Variants in ZNF254 observed in about 807,000 individuals in gnomAD.
ZNF254 encodes CTD-2017D11.1.
ZNF254 carries 10 observed loss-of-function variants against 12.4 expected under a neutral mutation model. The ratio of observed to expected loss-of-function variants is 0.80; its 90% confidence interval spans 0.50 to 1.36. ZNF254 has a LOEUF of 1.36. ZNF254 is among the 40% of genes most tolerant of loss of function. The probability of loss-of-function intolerance (pLI) is 0.00; values close to 1 mark genes in which losing one functional copy is unlikely to be tolerated. For synonymous variants in ZNF254, 305 were observed against 253.4 expected, an observed-to-expected ratio of 1.20 and a Z score of -1.93; for missense variants, 996 against 763.9, an observed-to-expected ratio of 1.30 and a Z score of -3.58.
At chr19:24,119,485 C>G (rs1287504726) in intron 3 of ZNF254, among the ~76,000 whole-genome samples, 1 of 152,028 alleles carries the variant, frequency 6.6e-6, no homozygotes, top group Non-Finnish European at 1.5e-5. Flanking sequence ...AGCCACCATT[C>G]CTGGCCTTAT....
At chr19:24,065,431 A>T (rs1456487178) in intron 2 of ZNF254, 1 of 152,128 alleles carries the variant, frequency 6.6e-6, no homozygotes, top group African/African-American at 2.4e-5. Context: ...CACACAGTTG[A>T]TGTGACTCTT....
chr19:24,068,200 C>T (rs1270637827), intron 2 of ZNF254, among the ~76,000 whole-genome samples: 1 of 151,964 alleles, frequency 6.6e-6, no homozygotes, highest in Non-Finnish European at 1.5e-5. Flanking sequence ...GATCAGCCAC[C>T]AGGTATGTGT....
chr19:24,125,536 TTATAA>T (rs1974777498), intron 3 of ZNF254, among the ~76,000 whole-genome samples: 1 of 152,166 alleles, frequency 6.6e-6, no homozygotes, highest in African/African-American at 2.4e-5. Flanking sequence ...TGTCAAAATC[TTATAA>T]TGTAGCTTTG....
chr19:24,062,836 T>C (rs890709141), intron 2 of ZNF254, among the ~76,000 whole-genome samples: 1 of 152,204 alleles, frequency 6.6e-6, no homozygotes, highest in African/African-American at 2.4e-5. Flanking sequence ...GTTTTGCTCT[T>C]GTTACCGAGG....
intron 3 of ZNF254, among the ~76,000 whole-genome samples, chr19:24,109,602 G>C (rs974478022): frequency 6.6e-6 from 1 of 152,072 alleles, no homozygotes; most frequent in Non-Finnish European, 1.5e-5. Flanking sequence ...GTCATAGTCA[G>C]ATTATCTATA....
At chr19:24,038,765 A>G (rs528768863) in intron 1 of ZNF254, among the ~76,000 whole-genome samples, 1 of 152,184 alleles carries the variant, frequency 6.6e-6, no homozygotes, top group Non-Finnish European at 1.5e-5. Context: ...GGGATCTGCA[A>G]TCATTAATAG....
At chr19:24,113,331 C>A (rs374285730) in intron 3 of ZNF254, among the ~76,000 whole-genome samples, 1 of 152,162 alleles carries the variant, frequency 6.6e-6, no homozygotes, top group African/African-American at 2.4e-5. Flanking sequence ...AGCTTATCCA[C>A]CATGATCAAG....
At chr19:24,097,407 T>C (rs113689012) in intron 1 of ZNF254, among the ~76,000 whole-genome samples, 22,590 of 151,712 alleles carry the variant, frequency 0.15, 1,733 homozygotes, top group Middle Eastern at 0.17. Flanking sequence ...TAAAAGATAC[T>C]GAGTAAGTTG....
At chr19:24,042,418 A>G (rs1289232887) in intron 1 of ZNF254, among the ~76,000 whole-genome samples, 1 of 152,188 alleles carries the variant, frequency 6.6e-6, no homozygotes, top group Non-Finnish European at 1.5e-5. Context: ...ACACTGTGGA[A>G]ACTTTGTTCT....
Position 24,127,019 on chromosome 19 carries a change from A to G in ZNF254, c.1019A>G (p.His340Arg). 2 of 1,613,890 alleles carry G rather than the reference A, an allele frequency of 1.2e-6. No homozygotes were observed. The highest frequency in any genetic ancestry group is 1.7e-6 in the Non-Finnish European group (2 of 1,179,860). Residue 340 changes from histidine to arginine, a missense_variant, in exon 4 of 4, where the codon CAT becomes CGT. His to Arg is a conservative substitution (Grantham distance 29, BLOSUM62 0). Transcript: ENST00000357002. ...ATATGGTCCTCAACACTAACTAGAC[A>G]TAAGAGGATGCACACTGGAGAGAAA... ...AFIWSSTLTR[H>R]KRMHTGEKPY...
At position 24,114,761 on chromosome 19, in the gene ZNF254, AT is replaced by A. The variant is rs1158399331; in HGVS notation, c.253+8122del. 2.0e-5 allele frequency among the ~76,000 whole-genome samples: 3 copies of A among 148,644 alleles called. No individual in the cohort carries two copies. In the East Asian group the frequency reaches 5.9e-4, roughly 29 times the overall value. On this transcript the variant is annotated intron_variant, in intron 3 of 3. Coordinates refer to ENST00000357002, the MANE Select transcript of ZNF254 (RefSeq NM_203282.4). ...CAGGCAACCTACAAAATGGGAGAAA[AT>A]TTTCGCAACCTACTCATCTGACAAA...
At chr19:24,098,459 C>A (rs1217166235) in intron 1 of ZNF254, 6 of 152,078 alleles carry the variant, frequency 3.9e-5, no homozygotes, top group Non-Finnish European at 1.5e-5. Flanking sequence ...AAATATATTT[C>A]AATATAGATT....
chr19:24,121,111 A>G (rs561489653), intron 3 of ZNF254, among the ~76,000 whole-genome samples: 1 of 151,024 alleles, frequency 6.6e-6, no homozygotes, highest in African/African-American at 2.4e-5. Context: ...GGAGATTTTT[A>G]GTTTTCATCC....
At chr19:24,047,260 G>A (rs558622629) in intron 2 of ZNF254, among the ~76,000 whole-genome samples, 29 of 145,724 alleles carry the variant, frequency 2.0e-4, no homozygotes, top group African/African-American at 6.9e-4. Context: ...TTTTTGTTTT[G>A]TATTTCTCTC....
chr19:24,127,172 C>G lies in ZNF254; in HGVS notation c.1172C>G (p.Ser391Ter), dbSNP rs1263829169. Residue 391 changes from serine to a stop codon, truncating the protein, a stop_gained, in exon 4 of 4, where the codon TCA (serine) becomes TGA (stop). Coordinates refer to ENST00000357002, the MANE Select transcript of ZNF254 (RefSeq NM_203282.4). LOFTEE classifies it low-confidence loss of function (END_TRUNC). The part of the protein sequence containing the change: ...LECGKAFKQL[S>*]TLTTHKIIHV... The stretch of plus-strand genomic sequence containing the variant: ...TGTGGCAAAGCTTTTAAGCAACTCT[C>G]AACTCTTACTACACATAAAATAATT... 20 of 1,613,524 alleles carry G rather than the reference C, an allele frequency of 1.2e-5. No individual in the cohort carries two copies. The highest frequency in any genetic ancestry group is 1.7e-5 in the Non-Finnish European group (20 of 1,179,794).
chr19:24,089,114 T>G (rs993512964), intron 1 of ZNF254, among the ~76,000 whole-genome samples: 2 of 151,884 alleles, frequency 1.3e-5, no homozygotes, highest in Non-Finnish European at 2.9e-5. Context: ...GTAACTGGGA[T>G]TATAGGCATG....
intron 2 of ZNF254, among the ~76,000 whole-genome samples, chr19:24,068,592 C>T (rs115114924): frequency 9.2e-4 from 140 of 152,262 alleles, no homozygotes; most frequent in African/African-American, 3.2e-3. Context: ...TGAGCCACTG[C>T]ACCCAGTCTA....
chr19:24,121,568 T>C (rs1351712787), intron 3 of ZNF254, among the ~76,000 whole-genome samples: 1 of 152,208 alleles, frequency 6.6e-6, no homozygotes, highest in Non-Finnish European at 1.5e-5. Flanking sequence ...TTTTAAATTT[T>C]TTTTTTGAGA....
At chr19:24,078,077 C>T (rs2072941472) in intron 2 of ZNF254, among the ~76,000 whole-genome samples, 1 of 152,210 alleles carries the variant, frequency 6.6e-6, no homozygotes, top group African/African-American at 2.4e-5. Flanking sequence ...CTCACTCTGT[C>T]ACCCAGGCTG....
Sources: gnomAD v4.1 joint callset for allele counts (sites outside exome capture counted in the v4.1 genomes callset) on GRCh38, gnomAD v4.1.1 for gene constraint, MANE v1.5 for transcripts, NCBI Gene and HGNC (gene_info 2026-07-23, HGNC 2026-07-21) for gene names.